Variants in NFIA observed in about 807,000 individuals in gnomAD.
NFIA encodes the protein nuclear factor I A, also known as nuclear factor 1 A-type.
A neutral mutation model predicts 62.8 loss-of-function variants in NFIA; 8 were observed. That is an observed-to-expected ratio of 0.13 (90% CI 0.07 to 0.23). The LOEUF (loss-of-function observed/expected upper bound fraction) is 0.23, where lower values mean the gene tolerates loss of function less well. NFIA is among the 10% of genes least tolerant of loss of function. The pLI, the probability that NFIA is intolerant of heterozygous loss-of-function variation, is 1.00. For missense variants in NFIA, 410 were observed against 642.1 expected (o/e 0.64, Z 3.91); for synonymous variants, 235 against 238.1 (o/e 0.99, Z 0.12).
rs1663241416 is a variant in NFIA, at chr1:61,360,702, T to TG, written c.946+1432dup. ...TAAAGGTGTAGCACGGGGAAAATGT[T>TG]GGGGTGATAGAACCATTCTGTATCC... On this transcript the variant is annotated intron_variant, in intron 6 of 10. Coordinates refer to ENST00000403491, the MANE Select transcript of NFIA (RefSeq NM_001134673.4). Among the ~76,000 whole-genome samples the TG allele has an allele frequency of 2.0e-5, 3 of 152,286 alleles. No homozygotes were observed. In the South Asian group the frequency reaches 6.2e-4, roughly 32 times the overall value.
At position 61,116,017 on chromosome 1, in the gene NFIA, G is replaced by GTT. The variant is rs35803994; in HGVS notation, c.559+27351_559+27352dup. Among the ~76,000 whole-genome samples, 11 of 119,050 alleles carry GTT rather than the reference G, an allele frequency of 9.2e-5. 1 individual carries two copies. The highest frequency in any genetic ancestry group is 3.4e-4 in the African/African-American group (11 of 32,802). The allele number at this position is 119,050 out of a possible 152,430, so 78.1% of individuals were successfully genotyped here. A position where few individuals can be genotyped will look rare whatever the true frequency, so the allele number is the denominator to read the frequency against. ...CTGAGGAGTGTCTGCCATGTCTTCTGTTTTTTTTTTTTTTTGCCTTGTTTT... is the reference window on the plus strand; with the variant it reads ...CTGAGGAGTGTCTGCCATGTCTTCTGTTTTTTTTTTTTTTTTTGCCTTGTTTT... On this transcript the variant is annotated intron_variant, in intron 2 of 10. Coordinates refer to ENST00000403491, the MANE Select transcript of NFIA (RefSeq NM_001134673.4).
chr1:61,151,920 C>T (rs1192868920), intron 2 of NFIA, among the ~76,000 whole-genome samples: 1 of 152,186 alleles, frequency 6.6e-6, no homozygotes, highest in Admixed American at 6.5e-5. Context: ...ACCCTCTATA[C>T]TCAGAATGTG....
At chr1:61,126,437 A>AACACACACACACACACAC (rs61077935) in intron 2 of NFIA, among the ~76,000 whole-genome samples, 54 of 74,676 alleles carry the variant, frequency 7.2e-4, no homozygotes, top group East Asian at 2.6e-3. Context: ...TTTGAAAATG[A>AACACACACACACACACAC]ACACACACAC....
chr1:61,348,809 C>G (rs1662390582), intron 4 of NFIA, among the ~76,000 whole-genome samples: 1 of 152,158 alleles, frequency 6.6e-6, no homozygotes, highest in South Asian at 2.1e-4. Flanking sequence ...CCTCTCCTTC[C>G]AAGAGCGAGG....
chr1:61,113,532 T>A lies in NFIA; in HGVS notation c.559+24852T>A, dbSNP rs369039703. 3.4e-5 allele frequency among the ~76,000 whole-genome samples: 5 copies of A among 145,420 alleles called. No individual in the cohort carries two copies. In the East Asian group the frequency reaches 1.0e-3, roughly 29 times the overall value. On this transcript the variant is annotated intron_variant, in intron 2 of 10. Coordinates refer to ENST00000403491, the MANE Select transcript of NFIA (RefSeq NM_001134673.4). ...TTGCTTGAACCGTTGAGGCGGAGGT[T>A]GTAATGAGCTGAGAGTGCACCATTG...
In NFIA at chr1:61,200,038, A is replaced by G. The variant is rs867841048; in HGVS notation, c.560-77482A>G. On this transcript the variant is annotated intron_variant, in intron 2 of 10. Transcript: ENST00000403491. ...TATATATATATATATATATATATAT[A>G]TATATATATATATATATATATATAT... 1.6e-3 allele frequency among the ~76,000 whole-genome samples: 75 copies of G among 46,946 alleles called. 2 individuals carry two copies. In the East Asian group the frequency reaches 0.03, roughly 19 times the overall value. The allele number at this position is 46,946 out of a possible 152,430, so 30.8% of individuals were successfully genotyped here. A position where few individuals can be genotyped will look rare whatever the true frequency, so the allele number is the denominator to read the frequency against.
At chr1:61,309,018 C>T (rs904947109) in intron 3 of NFIA, among the ~76,000 whole-genome samples, 1 of 152,120 alleles carries the variant, frequency 6.6e-6, no homozygotes, top group African/African-American at 2.4e-5. Context: ...GATCTCAATC[C>T]GTTTTCCATT....
intron 10 of NFIA, among the ~76,000 whole-genome samples, chr1:61,452,875 AT>A (rs146888670): frequency 0.062 from 9,222 of 149,486 alleles, 326 homozygotes; most frequent in Non-Finnish European, 0.086. Flanking sequence ...TTCACATCGC[AT>A]TTTTTTTTTC....
intron 3 of NFIA, among the ~76,000 whole-genome samples, chr1:61,300,741 A>G (rs2100329061): frequency 6.6e-6 from 1 of 152,162 alleles, no homozygotes; most frequent in East Asian, 1.9e-4. Context: ...ACCCATATGT[A>G]AGCTCGATAT....
chr1:61,235,825 A>T (rs1654979146), intron 2 of NFIA, among the ~76,000 whole-genome samples: 1 of 151,220 alleles, frequency 6.6e-6, no homozygotes, highest in Admixed American at 6.6e-5. Flanking sequence ...AAAAAAAAAA[A>T]AGAAAAAGAA....
At chr1:61,118,191 C>CA (rs10719154) in intron 2 of NFIA, among the ~76,000 whole-genome samples, 1,753 of 131,278 alleles carry the variant, frequency 0.013, 20 homozygotes, top group Middle Eastern at 0.059. Flanking sequence ...TCTCAAAGAA[C>CA]AAAAAAAAAA....
At chr1:61,244,696 A>G (rs1211025978) in intron 2 of NFIA, among the ~76,000 whole-genome samples, 1 of 152,202 alleles carries the variant, frequency 6.6e-6, no homozygotes, top group African/African-American at 2.4e-5. Context: ...GGTATTGATT[A>G]TTTAAAAACC....
chr1:61,107,189 T>C lies in NFIA; in HGVS notation c.559+18509T>C, dbSNP rs1321522269. Among the ~76,000 whole-genome samples the C allele has an allele frequency of 2.0e-5, 3 of 151,540 alleles. No individual in the cohort carries two copies. In the East Asian group the frequency reaches 5.8e-4, roughly 29 times the overall value. ...TTATGGTATGTGCCTAGGACTTAAA[T>C]TGTTGAATTACAGGGTGTGTAAATG... On this transcript the variant is annotated intron_variant, in intron 2 of 10. Transcript: ENST00000403491.
At position 61,402,380 on chromosome 1, in the gene NFIA, G is replaced by C. The variant is rs143536644; in HGVS notation, c.1076-1724G>C. 5.1e-3 allele frequency among the ~76,000 whole-genome samples: 779 copies of C among 152,194 alleles called. 5 individuals are homozygous for C. The highest frequency in any genetic ancestry group is 8.7e-3 in the Non-Finnish European group (595 of 68,006). ...TAAAAGCTCCCTGGCTCTTGACCAG[G>C]TGGAGAAACCAAGTTTTGGTTTTAG... On this transcript the variant is annotated intron_variant, in intron 7 of 10. Transcript: ENST00000403491.
intron 3 of NFIA, among the ~76,000 whole-genome samples, chr1:61,332,214 A>G (rs1045867269): frequency 6.6e-6 from 1 of 152,228 alleles, no homozygotes; most frequent in African/African-American, 2.4e-5. Context: ...CTTAGAGGTC[A>G]CCCAAGGTAA....
intron 2 of NFIA, among the ~76,000 whole-genome samples, chr1:61,246,642 GTCCATAATA>G (rs1036578381): frequency 4.6e-5 from 7 of 152,066 alleles, no homozygotes; most frequent in African/African-American, 1.7e-4. Context: ...TTGCGTTATT[GTCCATAATA>G]TCCCCTTCAA....
At chr1:61,100,984 A>G (rs574657322) in intron 2 of NFIA, among the ~76,000 whole-genome samples, 12 of 151,244 alleles carry the variant, frequency 7.9e-5, no homozygotes, top group African/African-American at 2.7e-4. Context: ...GAGGAATTCT[A>G]TCGTTTGACT....
At chr1:61,433,491 GTTT>G (rs1667194483) in intron 10 of NFIA, among the ~76,000 whole-genome samples, 2 of 150,748 alleles carry the variant, frequency 1.3e-5, no homozygotes, top group South Asian at 4.2e-4. Flanking sequence ...ATCTAGCCTA[GTTT>G]TTTAACTGTA....
chr1:61,215,415 A>C (rs1412265299), intron 2 of NFIA, among the ~76,000 whole-genome samples: 2 of 152,168 alleles, frequency 1.3e-5, no homozygotes, highest in African/African-American at 4.8e-5. Context: ...TTGAAGACAA[A>C]AGATCATTAC....
Sources: allele counts gnomAD v4.1 joint callset (sites outside exome capture counted in the v4.1 genomes callset), GRCh38; gene constraint gnomAD v4.1.1; transcripts MANE v1.5; gene names NCBI Gene and HGNC (gene_info 2026-07-23, HGNC 2026-07-21).